The following LIFR variants were observed in gnomAD, a reference collection of about 807,000 sequenced individuals.
LIFR encodes LIF receptor subunit alpha, also known as leukemia inhibitory factor receptor.
Under a neutral mutation model 122.2 loss-of-function variants are expected in LIFR, and 84 were observed. The ratio of observed to expected loss-of-function variants is 0.69; its 90% CI spans 0.58 to 0.82. The LOEUF (loss-of-function observed/expected upper bound fraction) is 0.82, where lower values mean the gene tolerates loss of function less well. Ranked by LOEUF, LIFR falls within the 40% of genes least tolerant of loss-of-function variation. LIFR has a pLI of 0.00. For synonymous variants in LIFR, 422 were observed against 434.7 expected (o/e 0.97, Z 0.36); for missense variants, 1,294 against 1,311.6 (o/e 0.99, Z 0.21).
At chr5:38,604,287 G>A (rs1750280696) in intron 2 of LIFR, among the ~76,000 whole-genome samples, 1 of 152,108 alleles carries the variant, frequency 6.6e-6, no homozygotes, top group Non-Finnish European at 1.5e-5. Context: ...AGGAGAAAGG[G>A]GCAAGGCAGC....
chr5:38,495,368 T>C (rs1288505939), intron 13 of LIFR, among the ~76,000 whole-genome samples: 6 of 152,196 alleles, frequency 3.9e-5, no homozygotes, highest in African/African-American at 9.7e-5. Context: ...TATTTTGTTA[T>C]TTTTGCCAGG....
chr5:38,541,419 T>C (rs1176459797), intron 1 of LIFR, among the ~76,000 whole-genome samples: 1 of 152,200 alleles, frequency 6.6e-6, no homozygotes, highest in African/African-American at 2.4e-5. Flanking sequence ...TAAGCTGTTG[T>C]ACTGGGAAAA....
At chr5:38,554,310 A>G (rs1162353696) in intron 1 of LIFR, among the ~76,000 whole-genome samples, 2 of 152,226 alleles carry the variant, frequency 1.3e-5, no homozygotes, top group Admixed American at 1.3e-4. Flanking sequence ...GTTATATAGA[A>G]GCAAACAGTG....
upstream of LIFR, among the ~76,000 whole-genome samples, chr5:38,598,633 C>T (rs1245195923): frequency 6.6e-6 from 1 of 152,084 alleles, no homozygotes; most frequent in Non-Finnish European, 1.5e-5. Flanking sequence ...ATCACCCGCT[C>T]CTGCCCCTTC....
At chr5:38,526,665 T>C (rs1165069437) in intron 4 of LIFR, among the ~76,000 whole-genome samples, 1 of 152,150 alleles carries the variant, frequency 6.6e-6, no homozygotes, top group Non-Finnish European at 1.5e-5. Context: ...CTCACCTAAT[T>C]TGCTTTTCAA....
At chr5:38,602,422 C>CT (rs574558573) in intron 2 of LIFR, among the ~76,000 whole-genome samples, 211 of 152,336 alleles carry the variant, frequency 1.4e-3, no homozygotes, top group Middle Eastern at 6.8e-3. Flanking sequence ...TGGAATGCCC[C>CT]TTCCCTTTAT....
chr5:38,540,118 T>C (rs1023071272), intron 1 of LIFR, among the ~76,000 whole-genome samples: 7 of 152,180 alleles, frequency 4.6e-5, no homozygotes, highest in African/African-American at 7.2e-5. Flanking sequence ...CTCCAGTCCC[T>C]ATTCTACCAC....
intron 11 of LIFR, among the ~76,000 whole-genome samples, chr5:38,500,869 C>T (rs116455040): frequency 4.5e-4 from 68 of 152,216 alleles, no homozygotes; most frequent in African/African-American, 1.6e-3. Flanking sequence ...TATGTTACTT[C>T]CGATTTTAGA....
intron 13 of LIFR, 104 bp downstream of exon 13, chr5:38,496,278 A>G (rs1174189129): frequency 1.2e-5 from 11 of 906,422 alleles, no homozygotes; most frequent in Non-Finnish European, 2.0e-5. Context: ...CAGCAGCAAC[A>G]AGGTATACGA....
intron 1 of LIFR, 160 bp from the exon 2 acceptor site, chr5:38,530,826 A>G (rs913493255): frequency 1.5e-6 from 1 of 680,822 alleles, no homozygotes; most frequent in Non-Finnish European, 2.6e-6. Context: ...GCTTGTGGAG[A>G]CATCAATAAT....
rs548068096 is a variant in LIFR at position 38,511,260 on chromosome 5, T to C, written c.736+530A>G. Among the ~76,000 whole-genome samples, 7 of 152,342 alleles carry C rather than the reference T, an allele frequency of 4.6e-5. No homozygotes were observed. The South Asian group carries it at 1.0e-3, about 23-fold the overall frequency. The stretch of plus-strand genomic sequence containing the variant: ...TAATCCTTTTATCCATAGAGTGATC[T>C]ATCTCTACAATGACTACCAGCCTTT... On this transcript the variant is annotated intron_variant, in intron 6 of 19. Transcript: ENST00000453190.
Position 38,481,418 on chromosome 5 carries a change from T to C in LIFR, c.*177A>G, listed in dbSNP as rs1743977244. On this transcript the variant is annotated 3_prime_UTR_variant, in exon 20 of 20. Transcript: ENST00000453190. ...ATTGAGGATTCTGAGTCACTATACT[T>C]TGGCTTTTAGACTACATTAAAAGCA... is the stretch of plus-strand genomic sequence containing the variant. 2 of 691,230 alleles carry C rather than the reference T, an allele frequency of 2.9e-6. No homozygotes were observed. Among genetic ancestry groups the C allele is most frequent in the Non-Finnish European group, 2.5e-6 (1 of 402,338 alleles). The allele number at this position is 691,230 out of a possible 1,614,324, so 42.8% of individuals were successfully genotyped here. A position where few individuals can be genotyped will look rare whatever the true frequency, so the allele number is the denominator to read the frequency against.
In LIFR at chr5:38,509,536, G is replaced by A. The variant is rs145494910; in HGVS notation, c.991+928C>T. 1.0e-3 allele frequency among the ~76,000 whole-genome samples: 153 copies of A among 152,266 alleles called. No individual in the cohort carries two copies. In the Middle Eastern group the frequency reaches 0.01, roughly 10 times the overall value. On this transcript the variant is annotated intron_variant, in intron 7 of 19. Transcript: ENST00000453190. ...TACTGTATGAGTAAACGAGAGAGCT[G>A]CTGATCTAGACCACAGCTGAGAATC...
intron 1 of LIFR, among the ~76,000 whole-genome samples, chr5:38,549,593 C>T (rs1010309920): frequency 6.6e-6 from 1 of 152,132 alleles, no homozygotes; most frequent in Non-Finnish European, 1.5e-5. Flanking sequence ...GAGATCGAGA[C>T]CATCCTGGCT....
chr5:38,493,449 ATCCT>A (rs1352882187), intron 14 of LIFR, among the ~76,000 whole-genome samples, 153 bp downstream of exon 14: 5 of 152,184 alleles, frequency 3.3e-5, no homozygotes, highest in Non-Finnish European at 7.3e-5. Flanking sequence ...AAGGGTTTGG[ATCCT>A]TCCATGTGCT....
intron 1 of LIFR, among the ~76,000 whole-genome samples, chr5:38,569,776 T>C (rs1749150271): frequency 6.6e-6 from 1 of 152,208 alleles, no homozygotes; most frequent in Non-Finnish European, 1.5e-5. Flanking sequence ...CCACTCTATC[T>C]ATTAAAATCC....
intron 1 of LIFR, among the ~76,000 whole-genome samples, chr5:38,592,492 T>C (rs1449454808): frequency 6.6e-6 from 1 of 151,998 alleles, no homozygotes; most frequent in African/African-American, 2.4e-5. Flanking sequence ...ACCCTGTCTC[T>C]ACTAAAAACA....
At chr5:38,598,286 G>A (rs1262559838), upstream of LIFR, among the ~76,000 whole-genome samples, 2 of 118,638 alleles carry the variant, frequency 1.7e-5, no homozygotes, top group African/African-American at 6.3e-5. Flanking sequence ...TCGCTGTGTC[G>A]CCCAGGCTGG....
intron 5 of LIFR, among the ~76,000 whole-genome samples, chr5:38,518,292 T>A (rs1746213239): frequency 6.6e-6 from 1 of 152,154 alleles, no homozygotes; most frequent in African/African-American, 2.4e-5. Context: ...GCTGCCTGGG[T>A]TGGAATCCTG....
Sources: gnomAD v4.1 joint callset for allele counts (sites outside exome capture counted in the v4.1 genomes callset) on GRCh38, gnomAD v4.1.1 for gene constraint, MANE v1.5 for transcripts, NCBI Gene and HGNC (gene_info 2026-07-23, HGNC 2026-07-21) for gene names.